Variants in DPYSL3 observed in about 807,000 individuals in gnomAD.
The protein encoded by DPYSL3 is dihydropyrimidinase like 3.
In DPYSL3, 16 loss-of-function variants were observed where a neutral mutation model predicts 66.1. That is an observed-to-expected ratio of 0.24 (90% CI 0.16 to 0.37). DPYSL3 has a LOEUF of 0.37. Among genes scored for constraint, DPYSL3 ranks in the 10% least tolerant of loss-of-function variants. The pLI is 1.00. For synonymous variants in DPYSL3, 338 were observed against 345.1 expected (o/e 0.98, Z 0.23); for missense variants, 738 against 916.2 (o/e 0.81, Z 2.51).
chr5:147,413,993 C>T (rs1751912170), intron 4 of DPYSL3, among the ~76,000 whole-genome samples: 2 of 152,334 alleles, frequency 1.3e-5, no homozygotes, highest in African/African-American at 2.4e-5. Flanking sequence ...CACTCTAGCA[C>T]ACCAGTTGTG....
At chr5:147,413,363 G>A (rs551285984) in intron 5 of DPYSL3, among the ~76,000 whole-genome samples, 20 of 152,302 alleles carry the variant, frequency 1.3e-4, no homozygotes, top group East Asian at 9.7e-4. Context: ...TCCTCTTGCC[G>A]TTTAAGAAAG....
At chr5:147,445,023 C>T (rs182572847) in intron 1 of DPYSL3, among the ~76,000 whole-genome samples, 7 of 152,164 alleles carry the variant, frequency 4.6e-5, no homozygotes, top group African/African-American at 1.7e-4. Flanking sequence ...CAATTAAGAT[C>T]TATGTTGTAT....
intron 1 of DPYSL3, chr5:147,453,579 G>A (rs1013738830): frequency 1.9e-6 from 3 of 1,539,546 alleles, no homozygotes; most frequent in Admixed American, 4.0e-5. Flanking sequence ...TCTTGCCTTG[G>A]TAGGACATGG....
intron 1 of DPYSL3, among the ~76,000 whole-genome samples, chr5:147,433,860 CGT>C (rs1384514594): frequency 6.6e-6 from 1 of 151,968 alleles, no homozygotes; most frequent in East Asian, 1.9e-4. Context: ...GGTGAAACCC[CGT>C]CTCTACTAAA....
chr5:147,409,253 A>G (rs1194292234), intron 6 of DPYSL3, among the ~76,000 whole-genome samples: 2 of 152,224 alleles, frequency 1.3e-5, no homozygotes, highest in Non-Finnish European at 2.9e-5. Context: ...CACGGGGCTT[A>G]TAATTTAGTG....
At chr5:147,433,401 T>G (rs1193376129) in intron 1 of DPYSL3, among the ~76,000 whole-genome samples, 2 of 152,060 alleles carry the variant, frequency 1.3e-5, no homozygotes, top group Non-Finnish European at 2.9e-5. Context: ...AGTGAAGACA[T>G]ATGGCAAATC....
In DPYSL3 at chr5:147,444,005, T is replaced by A. The variant is rs1210328191; in HGVS notation, c.382-19042A>T. 2.0e-5 allele frequency among the ~76,000 whole-genome samples: 3 copies of A among 152,008 alleles called. No individual in the cohort carries two copies. The South Asian group carries it at 6.2e-4, about 32-fold the overall frequency. ...CACCAACTGTTTTCCATGTCCCCCA[T>A]AACCTACACCACTCATACCTTATAG... On this transcript the variant is annotated intron_variant, in intron 1 of 13. Coordinates refer to ENST00000343218, the MANE Select transcript of DPYSL3 (RefSeq NM_001197294.2).
chr5:147,402,360 T>TACTCCTAACATGATGAC lies in DPYSL3; in HGVS notation c.1154-665_1154-664insGTCATCATGTTAGGAGT, dbSNP rs1188309888. ...TCATGACTTTTTTTTTTTTCTTTTT[T>TACTCCTAACATGATGAC]TTTTTGAGACGGAGTCTCGCTCTGT... is the stretch of plus-strand genomic sequence containing the variant. On this transcript the variant is annotated intron_variant, in intron 8 of 13. Coordinates refer to ENST00000343218, the MANE Select transcript of DPYSL3 (RefSeq NM_001197294.2). Among the ~76,000 whole-genome samples the TACTCCTAACATGATGAC allele has an allele frequency of 1.5e-3, 207 of 135,764 alleles. 2 individuals carry two copies. The highest frequency in any genetic ancestry group is 7.0e-3 in the African/African-American group (187 of 26,556). The allele number at this position is 135,764 out of a possible 152,430, so 89.1% of individuals were successfully genotyped here.
intron 8 of DPYSL3, among the ~76,000 whole-genome samples, chr5:147,403,118 T>G (rs1758240788): frequency 6.6e-6 from 1 of 152,156 alleles, no homozygotes; most frequent in Admixed American, 6.5e-5. Context: ...GCGCGGGGTC[T>G]CAGTAGAAAA....
intron 1 of DPYSL3, among the ~76,000 whole-genome samples, chr5:147,448,991 C>T (rs1752677931): frequency 6.6e-6 from 1 of 152,192 alleles, no homozygotes; most frequent in African/African-American, 2.4e-5. Context: ...TGGAATTCCC[C>T]TTTCAAGATG....
chr5:147,396,963 T>C (rs1757996807), intron 12 of DPYSL3, among the ~76,000 whole-genome samples: 3 of 148,206 alleles, frequency 2.0e-5, no homozygotes, highest in African/African-American at 7.4e-5. Flanking sequence ...CGCATTTTTG[T>C]TTTTAATTAT....
intron 1 of DPYSL3, among the ~76,000 whole-genome samples, chr5:147,464,522 A>G (rs574009191): frequency 2.6e-5 from 4 of 152,188 alleles, no homozygotes; most frequent in Non-Finnish European, 4.4e-5. Flanking sequence ...TAGGACCCTG[A>G]TTATCAGGAG....
chr5:147,509,924 G>A lies in DPYSL3; in HGVS notation c.-66C>T. The A allele has an allele frequency of 6.9e-7, 1 of 1,453,858 alleles. No individual in the cohort carries two copies. The highest frequency in any genetic ancestry group is 2.5e-5 in the East Asian group (1 of 39,986). The allele number at this position is 1,453,858 out of a possible 1,614,324, so 90.1% of individuals were successfully genotyped here. The stretch of plus-strand genomic sequence containing the variant: ...GAGGCGGAAAGGGCAGCCGCCGGCA[G>A]CGTGCGCCGAGCCACAGTGACTGTG... On this transcript the variant is annotated 5_prime_UTR_variant, in exon 1 of 14. Transcript: ENST00000343218. The surrounding 1 kb of genome is among the most constrained non-coding windows in gnomAD (Gnocchi z 5.3).
intron 1 of DPYSL3, among the ~76,000 whole-genome samples, chr5:147,428,907 A>T (rs921207411): frequency 1.7e-4 from 26 of 152,110 alleles, no homozygotes; most frequent in Non-Finnish European, 5.9e-5. Flanking sequence ...ACCATGGCAC[A>T]TGTTTACCTA....
At chr5:147,479,464 C>G (rs1753206365) in intron 1 of DPYSL3, among the ~76,000 whole-genome samples, 1 of 152,090 alleles carries the variant, frequency 6.6e-6, no homozygotes, top group Non-Finnish European at 1.5e-5. Context: ...GACATTTTAT[C>G]TTGTCTGAAG....
chr5:147,403,776 G>A (rs924385990), intron 8 of DPYSL3, among the ~76,000 whole-genome samples: 3 of 152,020 alleles, frequency 2.0e-5, no homozygotes, highest in African/African-American at 4.8e-5. Flanking sequence ...TGAGAATGAC[G>A]GTCCATGAGT....
At chr5:147,438,844 C>T (rs1430500224) in intron 1 of DPYSL3, among the ~76,000 whole-genome samples, 2 of 152,228 alleles carry the variant, frequency 1.3e-5, no homozygotes, top group Non-Finnish European at 1.5e-5. Context: ...TCAGTCATCT[C>T]AGACACAGCC....
At chr5:147,507,342 ATTT>A (rs112908394) in intron 1 of DPYSL3, among the ~76,000 whole-genome samples, 1 of 146,156 alleles carries the variant, frequency 6.8e-6, no homozygotes, top group African/African-American at 2.5e-5. Flanking sequence ...TTTGGGCTTA[ATTT>A]TTTTTTTTTT....
At chr5:147,423,836 T>C (rs1752135823) in intron 2 of DPYSL3, among the ~76,000 whole-genome samples, 1 of 152,130 alleles carries the variant, frequency 6.6e-6, no homozygotes, top group South Asian at 2.1e-4. Flanking sequence ...TTCCCTTGCC[T>C]CAGGTCCCTG....
Sources: gnomAD v4.1 joint callset for allele counts (sites outside exome capture counted in the v4.1 genomes callset) on GRCh38, gnomAD v4.1.1 for gene constraint, Gnocchi (gnomAD v3.1) non-coding constraint, MANE v1.5 for transcripts, NCBI Gene and HGNC (gene_info 2026-07-23, HGNC 2026-07-21) for gene names.